The following KLF17 variants were observed in gnomAD, a reference collection of about 807,000 sequenced individuals.
KLF17 encodes the protein Krueppel-like factor 17.
In KLF17, 31 loss-of-function variants were observed where a neutral mutation model predicts 34.2. The observed-to-expected ratio is 0.91, with a 90% confidence interval of 0.68 to 1.22. KLF17 has a LOEUF of 1.22. Among genes scored for constraint, KLF17 ranks in the 50% most tolerant of loss-of-function variants. The probability of loss-of-function intolerance (pLI) is 0.00; values close to 1 mark genes in which losing one functional copy is unlikely to be tolerated. For synonymous variants in KLF17, 179 were observed against 186.7 expected (o/e 0.96, Z 0.34); for missense variants, 478 against 505.2 (o/e 0.95, Z 0.52).
At chr1:44,126,226 C>T (rs114081284) in intron 1 of KLF17, among the ~76,000 whole-genome samples, 2,528 of 152,022 alleles carry the variant, frequency 0.017, 83 homozygotes, top group African/African-American at 0.058. Flanking sequence ...TGGGTCTCAC[C>T]ATGTTAGCTG....
At chr1:44,129,225 C>G (rs2088068889) in intron 1 of KLF17, 128 bp from the exon 2 acceptor site, 2 of 1,157,746 alleles carry the variant, frequency 1.7e-6, no homozygotes, top group South Asian at 2.1e-5. Flanking sequence ...GGGAAATGGT[C>G]TGGAGGCAGG....
Position 44,118,850 on chromosome 1 carries a change from G to T in KLF17, c.-58G>T, listed in dbSNP as rs1162259026. The stretch of plus-strand genomic sequence containing the variant: ...CGATGTACCGATACCCGCCTGCGAC[G>T]CCGTGGTGGCTGGTTCCCTGTCTCT... On this transcript the variant is annotated 5_prime_UTR_variant, in exon 1 of 4. Coordinates refer to ENST00000372299, the MANE Select transcript of KLF17 (RefSeq NM_173484.4). 7.3e-6 allele frequency: 10 copies of T among 1,373,152 alleles called. No individual in the cohort carries two copies. Among genetic ancestry groups the T allele is most frequent in the Admixed American group, 2.4e-5 (1 of 41,834 alleles). 85.1% of individuals were successfully genotyped at this position (1,373,152 alleles called of 1,614,324 possible).
the KLF17 span, among the ~76,000 whole-genome samples, chr1:44,067,489 C>T: frequency 6.6e-6 from 1 of 151,996 alleles, no homozygotes; most frequent in South Asian, 2.1e-4. Flanking sequence ...TGAGAGGAGT[C>T]CTCTCAGAAG....
At chr1:44,096,911 A>G in the KLF17 span, among the ~76,000 whole-genome samples, 7 of 152,196 alleles carry the variant, frequency 4.6e-5, no homozygotes, top group East Asian at 9.7e-4. Flanking sequence ...CCATATCTAT[A>G]TCCTGAATGG....
chr1:44,127,539 T>C (rs888510756), intron 1 of KLF17, among the ~76,000 whole-genome samples: 2 of 149,430 alleles, frequency 1.3e-5, no homozygotes, highest in African/African-American at 4.9e-5. Context: ...CCTTCCCTCC[T>C]TCCTTCCTTC....
At chr1:44,059,361 A>T in the KLF17 span, among the ~76,000 whole-genome samples, 1 of 152,168 alleles carries the variant, frequency 6.6e-6, no homozygotes, top group African/African-American at 2.4e-5. Flanking sequence ...ACTGGACACC[A>T]TGTTGTCACT....
the KLF17 span, among the ~76,000 whole-genome samples, chr1:44,069,514 A>T: frequency 8.5e-6 from 1 of 117,754 alleles, no homozygotes. The surrounding 1 kb of genome is among the most constrained non-coding windows in gnomAD (Gnocchi z 4.7). Context: ...GAGAGAGAGA[A>T]GACAGGAGGA....
In KLF17 at chr1:44,131,279, G is replaced by A. The variant is rs146006508; in HGVS notation, c.*523G>A. The stretch of plus-strand genomic sequence containing the variant: ...AACCTCTCTGGGGCCACCTGCTTCT[G>A]CTGGAGTTTAGTCAGATGCGAATGT... On this transcript the variant is annotated intron_variant, in intron 3 of 3. Coordinates refer to ENST00000372299, the MANE Select transcript of KLF17 (RefSeq NM_173484.4). 4.7e-3 allele frequency among the ~76,000 whole-genome samples: 721 copies of A among 152,260 alleles called. 9 individuals are homozygous for A. Among genetic ancestry groups the A allele is most frequent in the African/African-American group, 0.017 (706 of 41,546 alleles).
the KLF17 span, among the ~76,000 whole-genome samples, chr1:44,057,492 C>T: frequency 1.5e-4 from 23 of 152,290 alleles, 1 homozygote; most frequent in Middle Eastern, 3.4e-3. Flanking sequence ...AAGTGCTCCA[C>T]CAGACAGAGC....
At chr1:44,096,333 T>C in the KLF17 span, among the ~76,000 whole-genome samples, 1 of 152,218 alleles carries the variant, frequency 6.6e-6, no homozygotes, top group South Asian at 2.1e-4. Context: ...CCTTTACTTC[T>C]TTCTCTTGTC....
At chr1:44,122,660 T>C in intron 1 of KLF17, 1 of 589,022 alleles carries the variant, frequency 1.7e-6, no homozygotes, top group Non-Finnish European at 3.1e-6. Flanking sequence ...AGTGGCACGA[T>C]CTTGGCTCAC....
chr1:44,075,607 C>T, the KLF17 span, among the ~76,000 whole-genome samples: 3 of 152,168 alleles, frequency 2.0e-5, no homozygotes, highest in Non-Finnish European at 2.9e-5. Context: ...CTCTTCTAAA[C>T]AATATTTGGA....
the KLF17 span, among the ~76,000 whole-genome samples, chr1:44,109,700 C>G: frequency 6.6e-6 from 1 of 152,140 alleles, no homozygotes; most frequent in Admixed American, 6.6e-5. Context: ...CAGTATCAAT[C>G]ACCCTTCTTC....
chr1:44,116,585 T>C (rs1352423834), upstream of KLF17, among the ~76,000 whole-genome samples: 1 of 152,200 alleles, frequency 6.6e-6, no homozygotes, highest in Non-Finnish European at 1.5e-5. Flanking sequence ...CCTCTTCCCT[T>C]GGCAGCCCAG....
At chr1:44,062,317 T>A in the KLF17 span, among the ~76,000 whole-genome samples, 1 of 152,234 alleles carries the variant, frequency 6.6e-6, no homozygotes, top group Non-Finnish European at 1.5e-5. Flanking sequence ...CAGGCATCTC[T>A]TATTTTATAT....
the KLF17 span, chr1:44,048,375 G>A: frequency 3.0e-4 from 45 of 152,342 alleles, no homozygotes; most frequent in African/African-American, 1.1e-3. Context: ...CGAAGACTGT[G>A]AGACTTCCTC....
chr1:44,117,931 G>A (rs1385000205), upstream of KLF17, among the ~76,000 whole-genome samples: 15 of 152,098 alleles, frequency 9.9e-5, no homozygotes, highest in Admixed American at 9.2e-4. Flanking sequence ...GTGGCTTCCC[G>A]CCACACTTAG....
At chr1:44,055,634 G>A in the KLF17 span, among the ~76,000 whole-genome samples, 1 of 152,132 alleles carries the variant, frequency 6.6e-6, no homozygotes, top group Non-Finnish European at 1.5e-5. Context: ...TTCTCAGGTA[G>A]ACCCCTCTGT....
At chr1:44,106,683 G>A in the KLF17 span, 1 of 152,228 alleles carries the variant, frequency 6.6e-6, no homozygotes, top group Non-Finnish European at 1.5e-5. Flanking sequence ...ACTGGGATGG[G>A]AAGCAGGAGG....
Sources: gnomAD v4.1 joint callset for allele counts (sites outside exome capture counted in the v4.1 genomes callset) on GRCh38, gnomAD v4.1.1 for gene constraint, Gnocchi (gnomAD v3.1) non-coding constraint, MANE v1.5 for transcripts, NCBI Gene and HGNC (gene_info 2026-07-23, HGNC 2026-07-21) for gene names.